SORCS3: variants seen among roughly 807,000 people sequenced by gnomAD.
The protein encoded by SORCS3 is sortilin related VPS10 domain containing receptor 3.
A neutral mutation model predicts 146.3 loss-of-function variants in SORCS3; 57 were observed. That is an observed-to-expected ratio of 0.39 (90% CI 0.31 to 0.49). SORCS3 has a LOEUF of 0.49. SORCS3 is among the 20% of genes least tolerant of loss of function. The pLI is 0.92. For missense variants in SORCS3, 1,341 were observed against 1,575.5 expected (o/e 0.85, Z 2.52); for synonymous variants, 653 against 618.5 (o/e 1.06, Z -0.83).
chr10:104,720,152 G>T (rs767111876), intron 1 of SORCS3, among the ~76,000 whole-genome samples: 3 of 151,334 alleles, frequency 2.0e-5, no homozygotes, highest in Non-Finnish European at 4.4e-5. Flanking sequence ...ACAGGCCCCA[G>T]TGTGTCATGT....
chr10:104,978,958 C>T (rs7898070), intron 4 of SORCS3, among the ~76,000 whole-genome samples: 10,630 of 152,134 alleles, frequency 0.07, 1,216 homozygotes, highest in African/African-American at 0.24. Context: ...AGTTGCTTGC[C>T]CTACCTCTGC....
At chr10:104,687,920 C>T (rs1334608) in intron 1 of SORCS3, among the ~76,000 whole-genome samples, 61,506 of 152,074 alleles carry the variant, frequency 0.4, 14,031 homozygotes, top group Middle Eastern at 0.65. Flanking sequence ...TTTGCTTTCA[C>T]AGTGCCTGGC....
chr10:105,134,367 G>T (rs1332843496), intron 7 of SORCS3, among the ~76,000 whole-genome samples: 1 of 152,120 alleles, frequency 6.6e-6, no homozygotes, highest in Non-Finnish European at 1.5e-5. Flanking sequence ...TCTGCCAGAA[G>T]ATCAGCTCTC....
At chr10:104,665,197 G>C (rs2015757046) in intron 1 of SORCS3, 1 of 152,226 alleles carries the variant, frequency 6.6e-6, no homozygotes, top group African/African-American at 2.4e-5. Context: ...CATATGCCAG[G>C]ATTCCCGGAT....
At chr10:104,828,999 T>G (rs545072200) in intron 1 of SORCS3, among the ~76,000 whole-genome samples, 1 of 152,290 alleles carries the variant, frequency 6.6e-6, no homozygotes, top group East Asian at 1.9e-4. Flanking sequence ...TTTTTCCATC[T>G]CTTATGATCT....
chr10:105,117,978 C>A (rs1003829628), intron 7 of SORCS3, among the ~76,000 whole-genome samples: 1 of 152,240 alleles, frequency 6.6e-6, no homozygotes, highest in Non-Finnish European at 1.5e-5. Flanking sequence ...ATCTTACTTT[C>A]CAACACAGAT....
chr10:105,119,103 C>T (rs1564759287), intron 7 of SORCS3, among the ~76,000 whole-genome samples: 1 of 152,200 alleles, frequency 6.6e-6, no homozygotes, highest in South Asian at 2.1e-4. Flanking sequence ...TAGGGTCCCC[C>T]TGCTGTGTGC....
intron 7 of SORCS3, among the ~76,000 whole-genome samples, chr10:105,114,308 A>G (rs2055879082): frequency 6.6e-6 from 1 of 152,182 alleles, no homozygotes; most frequent in South Asian, 2.1e-4. Flanking sequence ...AGGAAAAAAA[A>G]GTCCATAATT....
chr10:104,983,112 G>A (rs2054941113), intron 4 of SORCS3, among the ~76,000 whole-genome samples: 2 of 152,042 alleles, frequency 1.3e-5, no homozygotes, highest in East Asian at 1.9e-4. Context: ...CGATTCTTGG[G>A]TTCAAGCCTC....
chr10:104,863,672 G>T (rs2018429765), intron 2 of SORCS3, among the ~76,000 whole-genome samples: 1 of 152,148 alleles, frequency 6.6e-6, no homozygotes, highest in South Asian at 2.1e-4. Context: ...GCCTGCCTGG[G>T]TCTAGCAGCT....
At chr10:104,669,540 C>G (rs1054182582) in intron 1 of SORCS3, among the ~76,000 whole-genome samples, 2 of 152,212 alleles carry the variant, frequency 1.3e-5, no homozygotes, top group African/African-American at 4.8e-5. Flanking sequence ...CCTCAAGGTT[C>G]ATCCATGTTG....
chr10:105,000,246 T>A (rs2055053102), intron 4 of SORCS3, among the ~76,000 whole-genome samples: 1 of 152,176 alleles, frequency 6.6e-6, no homozygotes, highest in African/African-American at 2.4e-5. Flanking sequence ...AGTGTATTAC[T>A]CTGCTATCTA....
chr10:104,843,308 G>C (rs2018164684), intron 2 of SORCS3, among the ~76,000 whole-genome samples: 1 of 152,116 alleles, frequency 6.6e-6, no homozygotes, highest in South Asian at 2.1e-4. Flanking sequence ...GATACACATG[G>C]GAAGAGATAC....
chr10:104,970,347 A>G lies in SORCS3; in HGVS notation c.796-6988A>G, dbSNP rs545314712. 1.1e-4 allele frequency among the ~76,000 whole-genome samples: 16 copies of G among 152,152 alleles called. No homozygotes were observed. In the East Asian group the frequency reaches 1.7e-3, roughly 17 times the overall value. ...TTTTTGGTAGAGATGGGGTTTCACA[A>G]TGTTGGCCAAGCTGGTCTTGAACTC... On this transcript the variant is annotated intron_variant, in intron 3 of 26. Transcript: ENST00000369701.
chr10:104,720,013 A>C (rs2016526218), intron 1 of SORCS3, among the ~76,000 whole-genome samples: 2 of 151,806 alleles, frequency 1.3e-5, no homozygotes, highest in South Asian at 4.2e-4. Flanking sequence ...TTTAGGGTAC[A>C]TGTGCACAAC....
intron 2 of SORCS3, among the ~76,000 whole-genome samples, chr10:104,884,086 G>A (rs1213969364): frequency 6.6e-6 from 1 of 152,108 alleles, no homozygotes; most frequent in South Asian, 2.1e-4. Context: ...AATGCCTATG[G>A]TCAACAGAAG....
At chr10:104,768,090 G>A (rs988644338) in intron 1 of SORCS3, among the ~76,000 whole-genome samples, 1 of 152,184 alleles carries the variant, frequency 6.6e-6, no homozygotes, top group Non-Finnish European at 1.5e-5. Flanking sequence ...GAACTGTAGA[G>A]CAGAGCTTCT....
intron 1 of SORCS3, among the ~76,000 whole-genome samples, chr10:104,683,106 C>T (rs149077820): frequency 1.3e-5 from 2 of 152,344 alleles, no homozygotes; most frequent in African/African-American, 4.8e-5. Context: ...AGTAGGGACA[C>T]TTGTCCTCAA....
intron 2 of SORCS3, among the ~76,000 whole-genome samples, chr10:104,871,010 G>A (rs1326883377): frequency 1.3e-5 from 2 of 152,178 alleles, no homozygotes; most frequent in Admixed American, 1.3e-4. Flanking sequence ...GGGCAGAGCA[G>A]CCCTCCATAC....
Sources: allele counts gnomAD v4.1 joint callset (sites outside exome capture counted in the v4.1 genomes callset), GRCh38; gene constraint gnomAD v4.1.1; transcripts MANE v1.5; gene names NCBI Gene and HGNC (gene_info 2026-07-23, HGNC 2026-07-21).